The following KCNIP4 variants were observed in gnomAD, a reference collection of about 807,000 sequenced individuals.
The protein encoded by KCNIP4 is Kv channel-interacting protein 4.
In KCNIP4, 12 loss-of-function variants were observed where a neutral mutation model predicts 34.0. That is an observed-to-expected ratio of 0.35 (90% CI 0.23 to 0.57). KCNIP4 has a LOEUF of 0.57. Among genes scored for constraint, KCNIP4 ranks in the 20% least tolerant of loss-of-function variants. The probability of loss-of-function intolerance (pLI) is 0.83; values close to 1 mark genes in which losing one functional copy is unlikely to be tolerated. For missense variants in KCNIP4, 238 were observed against 311.7 expected (o/e 0.76, Z 1.78); for synonymous variants, 124 against 102.2 (o/e 1.21, Z -1.29).
chr4:21,153,043 C>T (rs542648853), intron 1 of KCNIP4, among the ~76,000 whole-genome samples: 1 of 152,128 alleles, frequency 6.6e-6, no homozygotes, highest in Non-Finnish European at 1.5e-5. Context: ...TTCAACTATT[C>T]CTTACTTGCT....
At chr4:20,920,481 C>T (rs1300182393) in intron 1 of KCNIP4, among the ~76,000 whole-genome samples, 1 of 152,130 alleles carries the variant, frequency 6.6e-6, no homozygotes, top group Non-Finnish European at 1.5e-5. Flanking sequence ...AGGATAACAG[C>T]ACAGGCTCAC....
At chr4:21,947,683 C>T (rs888065253) in intron 1 of KCNIP4, among the ~76,000 whole-genome samples, 3 of 152,294 alleles carry the variant, frequency 2.0e-5, no homozygotes, top group Admixed American at 6.5e-5. Context: ...CCAAACTATG[C>T]TATAGCCATA....
At chr4:21,110,992 T>A (rs939593280) in intron 1 of KCNIP4, among the ~76,000 whole-genome samples, 3 of 152,244 alleles carry the variant, frequency 2.0e-5, no homozygotes, top group Non-Finnish European at 4.4e-5. Context: ...TCTGTAAACA[T>A]AGAGTGTTTT....
At chr4:21,107,427 CT>C (rs955753002) in intron 1 of KCNIP4, among the ~76,000 whole-genome samples, 6 of 150,670 alleles carry the variant, frequency 4.0e-5, no homozygotes, top group Non-Finnish European at 8.8e-5. Context: ...CAACCCCTGC[CT>C]TTTTTTTGTT....
chr4:21,330,639 T>C (rs746674042), intron 1 of KCNIP4, among the ~76,000 whole-genome samples: 4 of 152,120 alleles, frequency 2.6e-5, no homozygotes, highest in Non-Finnish European at 5.9e-5. Context: ...TGAAACCCTA[T>C]AGAGCATTCC....
intron 1 of KCNIP4, among the ~76,000 whole-genome samples, chr4:21,179,653 A>G (rs938601577): frequency 1.3e-5 from 2 of 152,244 alleles, no homozygotes; most frequent in Non-Finnish European, 2.9e-5. Context: ...GGTGTTATGC[A>G]TTGAAAAATG....
chr4:21,570,803 T>C (rs927929686), intron 1 of KCNIP4, among the ~76,000 whole-genome samples: 17 of 152,166 alleles, frequency 1.1e-4, no homozygotes, highest in African/African-American at 3.9e-4. Context: ...ACTCAATATA[T>C]AGCAGAAATT....
At chr4:21,539,012 A>C (rs1737460551) in intron 1 of KCNIP4, among the ~76,000 whole-genome samples, 1 of 152,122 alleles carries the variant, frequency 6.6e-6, no homozygotes, top group Non-Finnish European at 1.5e-5. Context: ...TTCTCACAAG[A>C]TCTGATGGCT....
At chr4:20,783,217 T>G (rs1278253330) in intron 3 of KCNIP4, among the ~76,000 whole-genome samples, 1 of 152,206 alleles carries the variant, frequency 6.6e-6, no homozygotes, top group Non-Finnish European at 1.5e-5. Flanking sequence ...CTTTTCCACA[T>G]TTTCCTGTCA....
At chr4:21,284,941 A>G (rs893784948) in intron 1 of KCNIP4, among the ~76,000 whole-genome samples, 1 of 152,072 alleles carries the variant, frequency 6.6e-6, no homozygotes, top group Non-Finnish European at 1.5e-5. Context: ...CCCAAATCGC[A>G]TATATAGTAA....
In KCNIP4 at chr4:21,601,129, A is replaced by G. The variant is rs562528153; in HGVS notation, c.61+347442T>C. On this transcript the variant is annotated intron_variant, in intron 1 of 8. Coordinates refer to ENST00000382152, the MANE Select transcript of KCNIP4 (RefSeq NM_025221.6). ...ACAGGCACCAGTGTCCTAGGGTTCTATCTGGGCTTCCTAGCACCAATCTCC... is the reference window on the plus strand; with the variant it reads ...ACAGGCACCAGTGTCCTAGGGTTCTGTCTGGGCTTCCTAGCACCAATCTCC... Among the ~76,000 whole-genome samples, 315 of 151,674 alleles carry G rather than the reference A, an allele frequency of 2.1e-3. 2 individuals are homozygous for G. Among genetic ancestry groups the G allele is most frequent in the African/African-American group, 7.2e-3 (299 of 41,366 alleles).
At chr4:21,376,904 G>A (rs1039927286) in intron 1 of KCNIP4, among the ~76,000 whole-genome samples, 1 of 152,222 alleles carries the variant, frequency 6.6e-6, no homozygotes, top group Non-Finnish European at 1.5e-5. Flanking sequence ...CATAGCAGAA[G>A]AGGTTATTTT....
rs1560199479 is a variant in KCNIP4, at chr4:21,234,449, TA to T, written c.62-351741del. ...TATTACATATAACGTATATAATATA[TA>T]TTACATATAACGTATATAATATATA... On this transcript the variant is annotated intron_variant, in intron 1 of 8. Transcript: ENST00000382152. Among the ~76,000 whole-genome samples, 54 of 131,444 alleles carry T rather than the reference TA, an allele frequency of 4.1e-4. 12 individuals are homozygous for T. The highest frequency in any genetic ancestry group is 4.2e-3 in the Middle Eastern group (1 of 238). The allele number at this position is 131,444 out of a possible 152,430, so 86.2% of individuals were successfully genotyped here.
intron 1 of KCNIP4, among the ~76,000 whole-genome samples, chr4:21,674,278 G>A (rs1331619975): frequency 6.6e-6 from 1 of 152,132 alleles, no homozygotes; most frequent in East Asian, 1.9e-4. Flanking sequence ...GTGTGTATGT[G>A]TGCACACACA....
At chr4:21,717,774 T>A (rs12501226) in intron 1 of KCNIP4, among the ~76,000 whole-genome samples, 215 of 152,124 alleles carry the variant, frequency 1.4e-3, no homozygotes, top group African/African-American at 4.9e-3. Context: ...GTCATTTTCA[T>A]TGGCCCCACT....
At chr4:20,915,972 A>T (rs933718107) in intron 1 of KCNIP4, among the ~76,000 whole-genome samples, 1 of 151,514 alleles carries the variant, frequency 6.6e-6, no homozygotes, top group Non-Finnish European at 1.5e-5. Flanking sequence ...GCATTCTTAC[A>T]CTCTCCCATT....
intron 1 of KCNIP4, among the ~76,000 whole-genome samples, chr4:21,894,450 C>A (rs113511213): frequency 0.038 from 5,755 of 152,112 alleles, 350 homozygotes; most frequent in African/African-American, 0.13. Flanking sequence ...TCATTAATTC[C>A]TACCTGTTCT....
intron 1 of KCNIP4, among the ~76,000 whole-genome samples, chr4:21,378,783 C>CTA (rs1483451312): frequency 1.3e-5 from 2 of 152,026 alleles, no homozygotes; most frequent in African/African-American, 4.8e-5. Context: ...TTATAAATCT[C>CTA]TATATACTTT....
At chr4:21,442,929 T>A (rs912372559) in intron 1 of KCNIP4, among the ~76,000 whole-genome samples, 18 of 152,230 alleles carry the variant, frequency 1.2e-4, no homozygotes, top group African/African-American at 4.1e-4. Flanking sequence ...TAAGGATTCA[T>A]CTGTATCACT....
Sources: allele counts gnomAD v4.1 joint callset (sites outside exome capture counted in the v4.1 genomes callset), GRCh38; gene constraint gnomAD v4.1.1; transcripts MANE v1.5; gene names NCBI Gene and HGNC (gene_info 2026-07-23, HGNC 2026-07-21).